The following MYO16 variants were observed in gnomAD, a reference collection of about 807,000 sequenced individuals.
The protein encoded by MYO16 is myosin XVI.
Under a neutral mutation model 205.3 loss-of-function variants are expected in MYO16, and 94 were observed. The ratio of observed to expected loss-of-function variants is 0.46; its 90% CI spans 0.39 to 0.54. The LOEUF is 0.54. MYO16 is among the 20% of genes least tolerant of loss of function. The pLI, the probability that MYO16 is intolerant of heterozygous loss-of-function variation, is 0.00. For synonymous variants in MYO16, 988 were observed against 954.0 expected, an observed-to-expected ratio of 1.04 and a Z score of -0.66; for missense variants, 2,315 against 2,387.5, an observed-to-expected ratio of 0.97 and a Z score of 0.63.
intron 20 of MYO16, among the ~76,000 whole-genome samples, chr13:108,972,249 CTATATATATA>C (rs1158879237): frequency 1.1e-3 from 3 of 2,850 alleles, no homozygotes; most frequent in Admixed American, 8.9e-3. Context: ...CTCTCTCTCT[CTATATATATA>C]TATATATATA....
upstream of MYO16, among the ~76,000 whole-genome samples, chr13:108,626,984 A>G (rs1235173764): frequency 6.8e-6 from 1 of 146,220 alleles, no homozygotes; most frequent in Admixed American, 6.9e-5. Flanking sequence ...TATTATATAT[A>G]TATATGATTG....
the MYO16 span, among the ~76,000 whole-genome samples, chr13:108,589,465 G>A: frequency 3.3e-5 from 5 of 151,828 alleles, no homozygotes; most frequent in Non-Finnish European, 7.4e-5. Flanking sequence ...ACACTACCTG[G>A]TAATAAACAC....
chr13:108,952,374 A>G (rs1883190761), intron 16 of MYO16, among the ~76,000 whole-genome samples: 2 of 152,130 alleles, frequency 1.3e-5, no homozygotes, highest in Non-Finnish European at 1.5e-5. Context: ...CAGGGGCAAG[A>G]CGGGGTGTGT....
At chr13:109,131,947 C>G (rs1876561447) in intron 31 of MYO16, among the ~76,000 whole-genome samples, 1 of 152,168 alleles carries the variant, frequency 6.6e-6, no homozygotes, top group Non-Finnish European at 1.5e-5. Context: ...TGTCAAGTAG[C>G]AGCAACAGCC....
At position 108,855,540 on chromosome 13, in the gene MYO16, A is replaced by G; in HGVS notation, c.1346A>G (p.Asn449Ser). 4 of 1,587,464 alleles carry G rather than the reference A, an allele frequency of 2.5e-6. No individual in the cohort carries two copies. The highest frequency in any genetic ancestry group is 3.4e-6 in the Non-Finnish European group (4 of 1,159,452). Reference sequence around the variant, plus strand: ...TATGAGATTCAGAAGCGCTTTGGGAACAATCAGATCTATGTGAGTGCCCTG... The same window carrying G: ...TATGAGATTCAGAAGCGCTTTGGGAGCAATCAGATCTATGTGAGTGCCCTG... ...LLYEIQKRFGNNQIYTFIGDI... is the reference protein window; with the variant it reads ...LLYEIQKRFGSNQIYTFIGDI... Residue 449 changes from asparagine (N) to serine (S), a missense_variant, in exon 11 of 35, where the codon AAC (asparagine) becomes AGC (serine). This residue lies in a region of MYO16 where 1,213 missense variants were observed against 1,274.4 expected (regional missense o/e 0.95). Coordinates refer to ENST00000457511, the MANE Select transcript of MYO16 (RefSeq NM_001198950.3).
chr13:108,557,067 A>T, the MYO16 span, among the ~76,000 whole-genome samples: 4 of 152,150 alleles, frequency 2.6e-5, no homozygotes. Flanking sequence ...AAGTAGTGTG[A>T]TGCCTCCAGC....
chr13:108,716,210 G>T (rs1290146530), intron 3 of MYO16, among the ~76,000 whole-genome samples: 1 of 152,212 alleles, frequency 6.6e-6, no homozygotes, highest in Non-Finnish European at 1.5e-5. Flanking sequence ...GGATATAAGG[G>T]TCTCTTTGGG....
At chr13:108,555,587 TTG>T in the MYO16 span, among the ~76,000 whole-genome samples, 2 of 152,200 alleles carry the variant, frequency 1.3e-5, no homozygotes, top group Admixed American at 6.5e-5. Flanking sequence ...TTATCTTTTT[TTG>T]TGTGTGTTGA....
intron 34 of MYO16, among the ~76,000 whole-genome samples, chr13:109,205,450 C>G (rs1018738927): frequency 6.6e-6 from 1 of 152,154 alleles, no homozygotes; most frequent in Non-Finnish European, 1.5e-5. Context: ...TTTATTTTCT[C>G]TCATTTTAAT....
chr13:108,840,003 A>G (rs1245211779), intron 9 of MYO16, among the ~76,000 whole-genome samples: 1 of 152,200 alleles, frequency 6.6e-6, no homozygotes, highest in Non-Finnish European at 1.5e-5. Context: ...GCATTATGTT[A>G]TTAATCCTTC....
intron 32 of MYO16, among the ~76,000 whole-genome samples, chr13:109,155,392 A>G (rs552869932): frequency 6.6e-6 from 1 of 152,304 alleles, no homozygotes; most frequent in South Asian, 2.1e-4. Flanking sequence ...TGGTGATTTC[A>G]TAAGGGGTTA....
At chr13:109,023,709 A>ATACATATATGTATATATGTATATAT (rs571275985) in intron 23 of MYO16, among the ~76,000 whole-genome samples, 6 of 124,142 alleles carry the variant, frequency 4.8e-5, no homozygotes, top group East Asian at 4.7e-4. Flanking sequence ...ATATGTATAT[A>ATACATATATGTATATATGTATATAT]TACAAATATA....
chr13:108,750,468 G>T (rs1049344064), intron 4 of MYO16, among the ~76,000 whole-genome samples: 1 of 152,122 alleles, frequency 6.6e-6, no homozygotes, highest in African/African-American at 2.4e-5. Context: ...TCTGGTGGAG[G>T]TATGAGTTAA....
the MYO16 span, among the ~76,000 whole-genome samples, chr13:108,510,354 T>A: frequency 6.6e-6 from 1 of 151,128 alleles, no homozygotes; most frequent in South Asian, 2.1e-4. Flanking sequence ...CCTGACCTTG[T>A]GATCCATCCT....
chr13:108,763,909 C>G (rs196184), intron 4 of MYO16, among the ~76,000 whole-genome samples: 151,946 of 152,060 alleles, frequency 1, 75,916 homozygotes, highest in Middle Eastern at 1. Flanking sequence ...GAAAATTTGA[C>G]ATAGTCCAAA....
the MYO16 span, among the ~76,000 whole-genome samples, chr13:108,540,181 A>C: frequency 6.6e-6 from 1 of 152,152 alleles, no homozygotes; most frequent in South Asian, 2.1e-4. Flanking sequence ...CACTGTAATG[A>C]AGGACACTGG....
chr13:109,103,251 GA>G (rs1229879244), intron 28 of MYO16, among the ~76,000 whole-genome samples: 1 of 152,164 alleles, frequency 6.6e-6, no homozygotes, highest in Admixed American at 6.5e-5. Context: ...GCTAATTACA[GA>G]AAGAATTCCT....
chr13:108,614,158 C>T lies in MYO16; in HGVS notation c.-39+17919C>T, dbSNP rs545544487. ...GGATACAATATCCACAAACAAAAAT[C>T]CATTGTGTTTCTACAAACCAGCAAT... On this transcript the variant is annotated intron_variant, in intron 1 of 24. Transcript: ENST00000251041. Among the ~76,000 whole-genome samples the T allele has an allele frequency of 1.4e-3, 216 of 151,998 alleles. 2 individuals are homozygous for T. Among genetic ancestry groups the T allele is most frequent in the Non-Finnish European group, 6.5e-4 (44 of 67,916 alleles).
intron 22 of MYO16, among the ~76,000 whole-genome samples, chr13:109,010,976 T>TATATATA (rs59979915): frequency 7.0e-5 from 10 of 143,164 alleles, no homozygotes; most frequent in Non-Finnish European, 9.2e-5. Context: ...TATATATATA[T>TATATATA]TTCTTCACCT....
Sources: gnomAD v4.1 joint callset for allele counts (sites outside exome capture counted in the v4.1 genomes callset) on GRCh38, gnomAD v4.1.1 for gene constraint, gnomAD v4.1.1 regional missense constraint, MANE v1.5 for transcripts, NCBI Gene and HGNC (gene_info 2026-07-23, HGNC 2026-07-21) for gene names.